The following OR52R1 variants were observed in gnomAD, a reference collection of about 807,000 sequenced individuals.
OR52R1 encodes olfactory receptor family 52 subfamily R member 1.
For synonymous variants in OR52R1, 159 were observed against 150.1 expected, an observed-to-expected ratio of 1.06 and a Z score of -0.43; for missense variants, 432 against 395.1, an observed-to-expected ratio of 1.09 and a Z score of -0.79.
rs1253559611 is a variant in OR52R1, at chr11:4,803,814, C to T, written c.567G>A (p.Lys189=). 6.2e-7 allele frequency: 1 copy of T among 1,613,114 alleles called. No individual in the cohort carries two copies. Among genetic ancestry groups the T allele is most frequent in the Admixed American group, 1.7e-5 (1 of 59,858 alleles). The change falls in exon 1 of 1, where the codon AAG becomes AAA. Residue 189 remains lysine (K), a synonymous_variant. Coordinates refer to ENST00000624978, the MANE Select transcript of OR52R1 (RefSeq NM_001005177.3). ...TTATGCTTGTATCAGCACACACCAA[C>T]TTCAGCACAGCCATGTGCTCACAGT... is the stretch of plus-strand genomic sequence containing the variant. ...QSYCEHMAVL[K]LVCADTSISR... is the part of the protein sequence containing the mutation.
In OR52R1 at chr11:4,803,694, A is replaced by C. The variant is rs766153826; in HGVS notation, c.687T>G (p.Leu229=). The change falls in exon 1 of 1, where the codon CTT becomes CTG. Residue 229 remains leucine (L), a synonymous_variant. Transcript: ENST00000624978. ...MSYVMILRAV[L]QLPSGEARLK... is the part of the protein sequence containing the mutation. ...GGCGGGCTTCACCTGAGGGCAACTG[A>C]AGCACAGCTCTCAAAATCATCACGT... The C allele has an allele frequency of 6.2e-7, 1 of 1,613,950 alleles. No homozygotes were observed. Among genetic ancestry groups the C allele is most frequent in the South Asian group, 1.1e-5 (1 of 91,052 alleles).
chr11:4,803,967 G>T lies in OR52R1; in HGVS notation c.414C>A (p.Ile138=), dbSNP rs1008452320. Residue 138 remains isoleucine, a synonymous_variant, in exon 1 of 1, where the codon ATC becomes ATA. Transcript: ENST00000624978. The part of the protein sequence containing the change: ...AICFPLRHSS[I]LTPSVVIKLG... ...GTTTGATCACGACCGATGGGGTCAG[G>T]ATGCTAGAGTGTCGGAGTGGGAAGC... The T allele has an allele frequency of 3.1e-6, 5 of 1,613,612 alleles. No homozygotes were observed. The African/African-American group carries it at 6.7e-5, about 22-fold the overall frequency.
rs1274411987 is a variant in OR52R1 at position 4,803,625 on chromosome 11, C to T, written c.756G>A (p.Leu252=). 4 of 1,613,862 alleles carry T rather than the reference C, an allele frequency of 2.5e-6. No individual in the cohort carries two copies. The highest frequency in any genetic ancestry group is 3.4e-6 in the Non-Finnish European group (4 of 1,179,972). ...STRSSHICVI[L]ALYIPALFSF... ...AAAAAAGGGCTGGGATATAAAGAGC[C>T]AAGATGACACAGATATGGGAGGAAC... The change falls in exon 1 of 1, where the codon TTG becomes TTA. Residue 252 remains leucine, a synonymous_variant. Coordinates refer to ENST00000624978, the MANE Select transcript of OR52R1 (RefSeq NM_001005177.3).
rs1268621057 is a variant in OR52R1 at position 4,803,657 on chromosome 11, T to C, written c.724A>G (p.Ser242Gly). The change falls in exon 1 of 1, where the codon AGC becomes GGC. Residue 242 changes from serine to glycine, a missense_variant. Ser to Gly is a moderately conservative substitution (Grantham distance 56, BLOSUM62 0). Coordinates refer to ENST00000624978, the MANE Select transcript of OR52R1 (RefSeq NM_001005177.3). ...PSGEARLKAF[S>G]TRSSHICVIL... ...ACACAGATATGGGAGGAACGTGTGC[T>C]AAAAGCTTTGAGGCGGGCTTCACCT... The C allele has an allele frequency of 3.1e-6, 5 of 1,613,680 alleles. No homozygotes were observed. Among genetic ancestry groups the C allele is most frequent in the African/African-American group, 1.3e-5 (1 of 74,780 alleles).
Position 4,803,764 on chromosome 11 carries a change from G to A in OR52R1, c.617C>T (p.Ala206Val). The A allele has an allele frequency of 1.2e-6, 2 of 1,613,354 alleles. No individual in the cohort carries two copies. Among genetic ancestry groups the A allele is most frequent in the Non-Finnish European group, 1.7e-6 (2 of 1,179,904 alleles). ...SISRGNGLFV[A>V]FSVAGFDMIV... ...CATATCAAAGCCAGCCACAGAGAAG[G>A]CCACAAAGAGCCCATTCCCACGACT... is the stretch of plus-strand genomic sequence containing the variant. The change falls in exon 1 of 1, where the codon GCC (alanine) becomes GTC (valine). Residue 206 changes from alanine (A) to valine (V), a missense_variant. Physicochemically the swap from Ala to Val is moderately conservative, Grantham distance 64 (BLOSUM62 0). Coordinates refer to ENST00000624978, the MANE Select transcript of OR52R1 (RefSeq NM_001005177.3).
Position 4,804,332 on chromosome 11 carries a change from G to C in OR52R1, c.49C>G (p.Leu17Val). ...NSSSHPVSFI[L>V]LGIPGLESFQ... ...CTCTCCAGGCCTGGGATTCCAAGCA[G>C]GATGAAGGACACAGGATGAGAAGAG... is the stretch of plus-strand genomic sequence containing the variant. Residue 17 changes from leucine (L) to valine (V), a missense_variant, in exon 1 of 1, where the codon CTG becomes GTG. By Grantham distance (32) the Leu-to-Val change is conservative. Transcript: ENST00000624978. The C allele has an allele frequency of 6.2e-7, 1 of 1,614,148 alleles. No individual in the cohort carries two copies. Among genetic ancestry groups the C allele is most frequent in the Non-Finnish European group, 8.5e-7 (1 of 1,180,022 alleles).
chr11:4,803,621 G>A lies in OR52R1; in HGVS notation c.760C>T (p.Leu254Phe), dbSNP rs760407807. 25 of 1,613,894 alleles carry A rather than the reference G, an allele frequency of 1.5e-5. No individual in the cohort carries two copies. The East Asian group carries it at 2.9e-4, about 19-fold the overall frequency. ...AAAGAAAAAAGGGCTGGGATATAAA[G>A]AGCCAAGATGACACAGATATGGGAG... ...RSSHICVILA[L>F]YIPALFSFLT... Residue 254 changes from leucine (L) to phenylalanine (F), a missense_variant, in exon 1 of 1, where the codon CTT (leucine) becomes TTT (phenylalanine). Physicochemically the swap from Leu to Phe is conservative, Grantham distance 22. Coordinates refer to ENST00000624978, the MANE Select transcript of OR52R1 (RefSeq NM_001005177.3).
In OR52R1 at chr11:4,803,716, A is replaced by C; in HGVS notation, c.665T>G (p.Val222Gly). ...CTGAAGCACAGCTCTCAAAATCATCACGTATGACATACCAATGACAATCAT... is the reference window on the plus strand; with the variant it reads ...CTGAAGCACAGCTCTCAAAATCATCCCGTATGACATACCAATGACAATCAT... ...FDMIVIGMSY[V>G]MILRAVLQLP... Residue 222 changes from valine to glycine, a missense_variant, in exon 1 of 1, where the codon GTG becomes GGG. Physicochemically the swap from Val to Gly is moderately radical, Grantham distance 109. Coordinates refer to ENST00000624978, the MANE Select transcript of OR52R1 (RefSeq NM_001005177.3). The C allele has an allele frequency of 6.2e-7, 1 of 1,613,902 alleles. No homozygotes were observed. The highest frequency in any genetic ancestry group is 8.5e-7 in the Non-Finnish European group (1 of 1,179,980).
chr11:4,804,361 T>A lies in OR52R1; in HGVS notation c.20A>T (p.Asn7Ile), dbSNP rs1490428057. Residue 7 changes from asparagine (N) to isoleucine (I), a missense_variant, in exon 1 of 1, where the codon AAC becomes ATC. Asn to Ile is a moderately radical substitution (Grantham distance 149, BLOSUM62 -3). Coordinates refer to ENST00000624978, the MANE Select transcript of OR52R1 (RefSeq NM_001005177.3). ...GAAGGACACAGGATGAGAAGAGCTG[T>A]TCCCTGAAGCCAGCACCATGGACTG... MVLASG[N>I]SSSHPVSFIL... The A allele has an allele frequency of 5.0e-6, 8 of 1,614,096 alleles. No homozygotes were observed. In the East Asian group the frequency reaches 1.8e-4, roughly 36 times the overall value.
rs1313005398 is a variant in OR52R1, at chr11:4,803,566, G to T, written c.815C>A (p.Pro272His). ...FLTYRFGHDV[P>H]RVVHILFANL... ...AGCAAACAGGATGTGTACAACTCGG[G>T]GCACATCATGGCCAAAGCGGTAGGT... Residue 272 changes from proline to histidine, a missense_variant, in exon 1 of 1, where the codon CCC becomes CAC. Transcript: ENST00000624978. The T allele has an allele frequency of 1.1e-5, 17 of 1,613,948 alleles. No homozygotes were observed. The highest frequency in any genetic ancestry group is 1.4e-5 in the Non-Finnish European group (17 of 1,179,962).
rs780898131 is a variant in OR52R1, at chr11:4,804,195, C to T, written c.186G>A (p.Met62Ile). ...IRIDHTLHEP[M>I]YLFLAMLAIT... ...TGGCCAGCATGGCCAGAAAGAGGTA[C>T]ATGGGCTCATGCAGGGTGTGGTCAA... The change falls in exon 1 of 1, where the codon ATG (methionine) becomes ATA (isoleucine). Residue 62 changes from methionine to isoleucine, a missense_variant. Met to Ile is a conservative substitution (Grantham distance 10, BLOSUM62 1). Transcript: ENST00000624978. The T allele has an allele frequency of 7.4e-6, 12 of 1,614,136 alleles. No homozygotes were observed. Among genetic ancestry groups the T allele is most frequent in the Non-Finnish European group, 1.0e-5 (12 of 1,180,018 alleles).
Position 4,803,529 on chromosome 11 carries a change from TAGATAG to T in OR52R1, c.846_851del (p.Tyr283_Leu284del). The T allele has an allele frequency of 6.2e-7, 1 of 1,613,954 alleles. No homozygotes were observed. The highest frequency in any genetic ancestry group is 8.5e-7 in the Non-Finnish European group (1 of 1,179,950). ...TGGGGTTGAGCATGGGAGGTATCAG[TAGATAG>T]AGATTAGCAAACAGGATGTGTACAA... On this transcript the variant is annotated inframe_deletion, in exon 1 of 1. Transcript: ENST00000624978.
rs139182026 is a variant in OR52R1, at chr11:4,803,651, G to A, written c.730C>T (p.Arg244Cys). 46 of 1,613,922 alleles carry A rather than the reference G, an allele frequency of 2.9e-5. No homozygotes were observed. Among genetic ancestry groups the A allele is most frequent in the African/African-American group, 1.2e-4 (9 of 74,956 alleles). ...AAGATGACACAGATATGGGAGGAAC[G>A]TGTGCTAAAAGCTTTGAGGCGGGCT... is the stretch of plus-strand genomic sequence containing the variant. Reference protein sequence around the residue: ...GEARLKAFSTRSSHICVILAL... With the variant: ...GEARLKAFSTCSSHICVILAL... Residue 244 changes from arginine (R) to cysteine (C), a missense_variant, in exon 1 of 1, where the codon CGT becomes TGT. By Grantham distance (180) the Arg-to-Cys change is radical. Transcript: ENST00000624978.
At position 4,804,239 on chromosome 11, in the gene OR52R1, G is replaced by C. The variant is rs139126807; in HGVS notation, c.142C>G (p.Leu48Val). ...YAVAVVGNIT[L>V]LHVIRIDHTL... ...TGGTCAATTCTGATTACATGGAGGAGAGTGATATTTCCAACAACAGCCACA... is the reference window on the plus strand; with the variant it reads ...TGGTCAATTCTGATTACATGGAGGACAGTGATATTTCCAACAACAGCCACA... The change falls in exon 1 of 1, where the codon CTC (leucine) becomes GTC (valine). Residue 48 changes from leucine to valine, a missense_variant. Leu to Val is a conservative substitution (Grantham distance 32). Transcript: ENST00000624978. The C allele has an allele frequency of 5.0e-6, 8 of 1,613,878 alleles. No individual in the cohort carries two copies. In the South Asian group the frequency reaches 8.8e-5, roughly 18 times the overall value.
rs756226074 is a variant in OR52R1, at chr11:4,804,085, G to A, written c.296C>T (p.Ala99Val). Residue 99 changes from alanine (A) to valine (V), a missense_variant, in exon 1 of 1, where the codon GCC becomes GTC. Ala to Val is a moderately conservative substitution (Grantham distance 64). Transcript: ENST00000624978. The part of the protein sequence containing the change: ...WFHAHEIQYH[A>V]CLIQVFFIHA... ...GATGAAGAACACCTGGATGAGGCAGGCATGGTACTGAATCTCATGAGCATG... is the reference window on the plus strand; with the variant it reads ...GATGAAGAACACCTGGATGAGGCAGACATGGTACTGAATCTCATGAGCATG... The A allele has an allele frequency of 1.9e-6, 3 of 1,614,092 alleles. No individual in the cohort carries two copies. Among genetic ancestry groups the A allele is most frequent in the Non-Finnish European group, 1.7e-6 (2 of 1,180,026 alleles).
chr11:4,803,577 G>A lies in OR52R1; in HGVS notation c.804C>T (p.Gly268=). ...ALFSFLTYRF[G]HDVPRVVHIL... is the part of the protein sequence containing the mutation. ...TGTGTACAACTCGGGGCACATCATG[G>A]CCAAAGCGGTAGGTGAGGAAAGAAA... Residue 268 remains glycine, a synonymous_variant, in exon 1 of 1, where the codon GGC becomes GGT. Coordinates refer to ENST00000624978, the MANE Select transcript of OR52R1 (RefSeq NM_001005177.3). 1.9e-6 allele frequency: 3 copies of A among 1,614,024 alleles called. No homozygotes were observed. Among genetic ancestry groups the A allele is most frequent in the Non-Finnish European group, 2.5e-6 (3 of 1,180,008 alleles).
Position 4,803,697 on chromosome 11 carries a change from C to G in OR52R1, c.684G>C (p.Val228=). Residue 228 remains valine (V), a synonymous_variant, in exon 1 of 1, where the codon GTG becomes GTC. Transcript: ENST00000624978. ...GGGCTTCACCTGAGGGCAACTGAAG[C>G]ACAGCTCTCAAAATCATCACGTATG... The part of the protein sequence containing the change: ...GMSYVMILRA[V]LQLPSGEARL... 6.2e-7 allele frequency: 1 copy of G among 1,613,786 alleles called. No homozygotes were observed. Among genetic ancestry groups the G allele is most frequent in the Non-Finnish European group, 8.5e-7 (1 of 1,179,962 alleles).
chr11:4,803,437 G>A lies in OR52R1; in HGVS notation c.944C>T (p.Pro315Leu). The change falls in exon 1 of 1, where the codon CCC becomes CTC. Residue 315 changes from proline (P) to leucine (L), a missense_variant. By Grantham distance (98) the Pro-to-Leu change is moderately conservative. Transcript: ENST00000624978. The part of the protein sequence containing the change: ...RVIQGCCGNI[P>L] ...GGGGATACACTGACCCTTTGCTCAG[G>A]GGATGTTTCCACAACATCCTTGGAT... The A allele has an allele frequency of 6.3e-7, 1 of 1,592,850 alleles. No homozygotes were observed. Among genetic ancestry groups the A allele is most frequent in the Non-Finnish European group, 8.6e-7 (1 of 1,164,344 alleles).
rs1249084551 is a variant in OR52R1 at position 4,803,740 on chromosome 11, A to G, written c.641T>C (p.Met214Thr). ...FVAFSVAGFD[M>T]IVIGMSYVMI... ...CACGTATGACATACCAATGACAATC[A>G]TATCAAAGCCAGCCACAGAGAAGGC... The change falls in exon 1 of 1, where the codon ATG becomes ACG. Residue 214 changes from methionine to threonine, a missense_variant. Physicochemically the swap from Met to Thr is moderately conservative, Grantham distance 81. Coordinates refer to ENST00000624978, the MANE Select transcript of OR52R1 (RefSeq NM_001005177.3). The G allele has an allele frequency of 1.3e-5, 21 of 1,613,780 alleles. No individual in the cohort carries two copies. Among genetic ancestry groups the G allele is most frequent in the Non-Finnish European group, 1.8e-5 (21 of 1,179,986 alleles).
Sources: allele counts gnomAD v4.1 joint callset, GRCh38; gene constraint gnomAD v4.1.1; transcripts MANE v1.5; gene names NCBI Gene and HGNC (gene_info 2026-07-23, HGNC 2026-07-21).